Variants in SLFN12L observed in about 807,000 individuals in gnomAD.
The protein encoded by SLFN12L is schlafen family member 12-like.
SLFN12L carries 34 observed loss-of-function variants against 34.8 expected under a neutral mutation model. That is an observed-to-expected ratio of 0.98 (90% confidence interval 0.74 to 1.30). The LOEUF (loss-of-function observed/expected upper bound fraction) is 1.30. Among genes scored for constraint, SLFN12L ranks in the 50% most tolerant of loss-of-function variants. The pLI is 0.00. For missense variants in SLFN12L, 703 were observed against 696.2 expected, an observed-to-expected ratio of 1.01 and a Z score of -0.11; for synonymous variants, 259 against 247.5, an observed-to-expected ratio of 1.05 and a Z score of -0.44.
intron 2 of SLFN12L, chr17:35,490,766 T>C (rs1203996247): frequency 8.0e-6 from 12 of 1,491,536 alleles, no homozygotes; most frequent in South Asian, 5.6e-5. Flanking sequence ...CAAACTGTTA[T>C]AGTTGTGAAA....
intron 2 of SLFN12L, among the ~76,000 whole-genome samples, chr17:35,520,198 C>T (rs188594653): frequency 5.3e-5 from 8 of 152,296 alleles, no homozygotes; most frequent in African/African-American, 1.9e-4. Flanking sequence ...AACTGCAGCG[C>T]ATCCACTGCC....
rs1377987697 is a variant in SLFN12L, at chr17:35,467,969, G to C, written c.*6954C>G. 6.6e-6 allele frequency among the ~76,000 whole-genome samples: 1 copy of C among 152,120 alleles called. No homozygotes were observed. The highest frequency in any genetic ancestry group is 1.5e-5 in the Non-Finnish European group (1 of 68,004). On this transcript the variant is annotated 3_prime_UTR_variant, in exon 5 of 5. Transcript: ENST00000628453. ...CTGTTACCCAGGCTGGAGTGCAGTG[G>C]CGTGATCACGATTCACTCCCCACTC...
At chr17:35,491,271 C>T (rs1000166071) in intron 2 of SLFN12L, 1 of 886,442 alleles carries the variant, frequency 1.1e-6, no homozygotes, top group African/African-American at 1.7e-5. Flanking sequence ...TCCTTAAAAA[C>T]CAATTTTTTT....
rs1243628162 is a variant in SLFN12L at position 35,466,965 on chromosome 17, A to G, written c.*7958T>C. Among the ~76,000 whole-genome samples the G allele has an allele frequency of 3.9e-5, 6 of 152,188 alleles. No homozygotes were observed. Among genetic ancestry groups the G allele is most frequent in the Non-Finnish European group, 8.8e-5 (6 of 68,016 alleles). On this transcript the variant is annotated 3_prime_UTR_variant, in exon 5 of 5. Coordinates refer to ENST00000628453, the MANE Select transcript of SLFN12L (RefSeq NM_001363830.2). ...CTACCTGTTATGCTTTCAGTCATGG[A>G]AACAGCACCCTGCAAGCTCAGCCTC...
chr17:35,531,840 G>A (rs1410818298), intron 1 of SLFN12L, among the ~76,000 whole-genome samples: 1 of 151,518 alleles, frequency 6.6e-6, no homozygotes, highest in African/African-American at 2.4e-5. Context: ...TCATCGTGTT[G>A]GCCAGGATGG....
chr17:35,485,363 T>G (rs535939439), intron 2 of SLFN12L, among the ~76,000 whole-genome samples: 6 of 152,328 alleles, frequency 3.9e-5, no homozygotes, highest in Admixed American at 2.0e-4. Context: ...GCACATTTTT[T>G]AAATGGAGTT....
Position 35,472,158 on chromosome 17 carries a change from T to G in SLFN12L, c.*2765A>C, listed in dbSNP as rs1234906858. ...CCCATGCCTATGTCCTGAATGGTAT[T>G]GCCTAGGTTTTCTTCTAGAGTTTTT... On this transcript the variant is annotated 3_prime_UTR_variant, in exon 5 of 5. Transcript: ENST00000628453. Among the ~76,000 whole-genome samples the G allele has an allele frequency of 6.6e-6, 1 of 152,252 alleles. No homozygotes were observed. The highest frequency in any genetic ancestry group is 1.9e-4 in the East Asian group (1 of 5,206).
Position 35,466,766 on chromosome 17 carries a change from C to CAAA in SLFN12L, c.*8156_*8157insTTT. ...GATTCCTTTACTGAAGAGACTTTAACAAGCTCTACTCATGCCTCCTAAAGT... is the reference window on the plus strand; with the variant it reads ...GATTCCTTTACTGAAGAGACTTTAACAAAAAGCTCTACTCATGCCTCCTAAAGT... On this transcript the variant is annotated 3_prime_UTR_variant, in exon 5 of 5. Coordinates refer to ENST00000628453, the MANE Select transcript of SLFN12L (RefSeq NM_001363830.2). Among the ~76,000 whole-genome samples, 1 of 152,202 alleles carries CAAA rather than the reference C, an allele frequency of 6.6e-6. No homozygotes were observed. Among genetic ancestry groups the CAAA allele is most frequent in the Non-Finnish European group, 1.5e-5 (1 of 68,038 alleles).
chr17:35,516,786 G>A (rs545058618), intron 2 of SLFN12L, among the ~76,000 whole-genome samples: 97 of 152,254 alleles, frequency 6.4e-4, no homozygotes, highest in African/African-American at 2.2e-3. Context: ...ATACATAAAT[G>A]TGATTTTAAT....
chr17:35,493,669 G>A (rs1914930710), intron 2 of SLFN12L, among the ~76,000 whole-genome samples: 1 of 152,284 alleles, frequency 6.6e-6, no homozygotes, highest in Admixed American at 6.5e-5. Flanking sequence ...GGCACACAAA[G>A]TGGGTTAGTA....
At chr17:35,532,184 G>T (rs1394712739) in intron 1 of SLFN12L, among the ~76,000 whole-genome samples, 1 of 152,120 alleles carries the variant, frequency 6.6e-6, no homozygotes, top group African/African-American at 2.4e-5. Flanking sequence ...AGTGGCTCAC[G>T]CCTGTAATCC....
At chr17:35,489,246 C>CA (rs35920981) in intron 2 of SLFN12L, among the ~76,000 whole-genome samples, 3 of 151,862 alleles carry the variant, frequency 2.0e-5, no homozygotes, top group African/African-American at 7.3e-5. Context: ...AAGAAGTAAG[C>CA]AAAAAAGATT....
chr17:35,498,909 A>G (rs987970780), intron 2 of SLFN12L: 4 of 714,114 alleles, frequency 5.6e-6, no homozygotes, highest in South Asian at 1.5e-5. Context: ...GCCCAGCCCT[A>G]TTCTGCAGAA....
chr17:35,478,105 T>G lies in SLFN12L; in HGVS notation c.1246A>C (p.Lys416Gln). 1 of 1,544,058 alleles carries G rather than the reference T, an allele frequency of 6.5e-7. No individual in the cohort carries two copies. Among genetic ancestry groups the G allele is most frequent in the East Asian group, 2.5e-5 (1 of 40,778 alleles). The change falls in exon 4 of 5, where the codon AAA becomes CAA. Residue 416 changes from lysine to glutamine, a missense_variant. By Grantham distance (53) the Lys-to-Gln change is moderately conservative. Coordinates refer to ENST00000628453, the MANE Select transcript of SLFN12L (RefSeq NM_001363830.2). ...SYPLREYINF[K>Q]IQPLRYHLPG... ...AGGTGATATCTCAGTGGCTGAATTTTGAAGTTAATATATTCACGAAGAGGA... is the reference window on the plus strand; with the variant it reads ...AGGTGATATCTCAGTGGCTGAATTTGGAAGTTAATATATTCACGAAGAGGA...
chr17:35,512,884 C>G (rs184057546), intron 2 of SLFN12L, among the ~76,000 whole-genome samples: 235 of 152,222 alleles, frequency 1.5e-3, no homozygotes, highest in African/African-American at 5.5e-3. Context: ...GTGTTTCTAC[C>G]CTCTCCGAAC....
At chr17:35,512,277 C>G (rs1200022821) in intron 2 of SLFN12L, among the ~76,000 whole-genome samples, 1 of 141,994 alleles carries the variant, frequency 7.0e-6, no homozygotes, top group Non-Finnish European at 1.5e-5. Flanking sequence ...ACCTCAGGGA[C>G]TTGGTTCTAT....
chr17:35,480,916 T>C (rs760302010), intron 2 of SLFN12L, among the ~76,000 whole-genome samples: 1 of 152,076 alleles, frequency 6.6e-6, no homozygotes, highest in African/African-American at 2.4e-5. Context: ...ATAGTTATAC[T>C]AAAAATAGAT....
chr17:35,522,317 G>T lies in SLFN12L; in HGVS notation c.48C>A (p.Leu16=). ...NVFHCEAHRI[L]YICESQFLRN... ...TCAGAAACTGACTTTCACAAATGTAGAGAATTCTGTGTGCCTCACAGTGAA... is the reference window on the plus strand; with the variant it reads ...TCAGAAACTGACTTTCACAAATGTATAGAATTCTGTGTGCCTCACAGTGAA... The change falls in exon 2 of 5, where the codon CTC becomes CTA. Residue 16 remains leucine (L), a synonymous_variant. Transcript: ENST00000628453. 6.2e-7 allele frequency: 1 copy of T among 1,614,178 alleles called. No homozygotes were observed. The highest frequency in any genetic ancestry group is 8.5e-7 in the Non-Finnish European group (1 of 1,180,018).
intron 3 of SLFN12L, 57 bp downstream of exon 3, chr17:35,479,060 A>G: frequency 7.5e-7 from 1 of 1,332,684 alleles, no homozygotes; most frequent in African/African-American, 1.5e-5. Context: ...AGATACAATA[A>G]AACCTTCCTG....
Sources: gnomAD v4.1 joint callset for allele counts (sites outside exome capture counted in the v4.1 genomes callset) on GRCh38, gnomAD v4.1.1 for gene constraint, MANE v1.5 for transcripts, NCBI Gene and HGNC (gene_info 2026-07-23, HGNC 2026-07-21) for gene names.